Variants in LAMA3 observed in about 807,000 individuals in gnomAD.
LAMA3 encodes laminin subunit alpha 3, also known as laminin subunit alpha-3.
LAMA3 carries 281 observed loss-of-function variants against 402.0 expected under a neutral mutation model. The ratio of observed to expected loss-of-function variants is 0.70; its 90% CI spans 0.63 to 0.77. LAMA3 has a LOEUF of 0.77. Ranked by LOEUF, LAMA3 falls within the 30% of genes least tolerant of loss-of-function variation. LAMA3 has a pLI of 0.00. For synonymous variants in LAMA3, 1,431 were observed against 1,558.4 expected (o/e 0.92, Z 1.93); for missense variants, 3,840 against 4,215.5 (o/e 0.91, Z 2.47).
At chr18:23,945,672 A>C (rs1180216419) in intron 69 of LAMA3, among the ~76,000 whole-genome samples, 1 of 152,112 alleles carries the variant, frequency 6.6e-6, no homozygotes, top group Non-Finnish European at 1.5e-5. Flanking sequence ...AGGGATCAGA[A>C]ATTTTAGCAA....
At chr18:23,767,863 G>A (rs1296090614) in intron 8 of LAMA3, among the ~76,000 whole-genome samples, 8 of 151,960 alleles carry the variant, frequency 5.3e-5, no homozygotes, top group Admixed American at 2.6e-4. Flanking sequence ...GTCAGCCACC[G>A]TGCCTGGCAA....
chr18:23,864,319 T>G (rs1239454294), intron 35 of LAMA3, among the ~76,000 whole-genome samples: 1 of 151,900 alleles, frequency 6.6e-6, no homozygotes, highest in African/African-American at 2.4e-5. Context: ...CTCAAACTCC[T>G]GGGCTCAAGC....
intron 41 of LAMA3, among the ~76,000 whole-genome samples, chr18:23,888,912 A>G (rs1218503691): frequency 6.7e-6 from 1 of 149,862 alleles, no homozygotes; most frequent in African/African-American, 2.5e-5. Context: ...CAACTCCAGG[A>G]GCATGAATAT....
rs113771180 is a variant in LAMA3, at chr18:23,823,451, A to G, written c.2429-972A>G. ...TTGCTTCGTTTCCTTGTCCTCCGGG[A>G]CACCTTTCCCCTAAGTCTGAGTTGG... is the stretch of plus-strand genomic sequence containing the variant. On this transcript the variant is annotated intron_variant, in intron 20 of 74. Coordinates refer to ENST00000313654, the MANE Select transcript of LAMA3 (RefSeq NM_198129.4). Among the ~76,000 whole-genome samples the G allele has an allele frequency of 1.3e-3, 191 of 152,292 alleles. 1 individual carries two copies. The highest frequency in any genetic ancestry group is 4.2e-3 in the African/African-American group (174 of 41,562).
intron 44 of LAMA3, among the ~76,000 whole-genome samples, chr18:23,895,993 A>G (rs569360666): frequency 6.6e-6 from 1 of 152,252 alleles, no homozygotes; most frequent in East Asian, 1.9e-4. Flanking sequence ...ATTCAGTTCA[A>G]TGGATTTTCT....
chr18:23,743,585 G>A (rs542734003), intron 2 of LAMA3, among the ~76,000 whole-genome samples: 1 of 152,312 alleles, frequency 6.6e-6, no homozygotes, highest in African/African-American at 2.4e-5. Flanking sequence ...ACTGGGGTGA[G>A]AAACAAGGAT....
Position 23,752,900 on chromosome 18 carries a change from AGC to A in LAMA3, c.856-820_856-819del, listed in dbSNP as rs1443457949. ...GCTGACAGATATTCTTCTCACTGGC[AGC>A]ATGGCCTCAATGAGAAAGATTGTTC... is the stretch of plus-strand genomic sequence containing the variant. On this transcript the variant is annotated intron_variant, in intron 5 of 74. Transcript: ENST00000313654. 2.6e-5 allele frequency among the ~76,000 whole-genome samples: 4 copies of A among 152,262 alleles called. No individual in the cohort carries two copies. The South Asian group carries it at 8.3e-4, about 32-fold the overall frequency.
At chr18:23,885,345 C>T (rs2065039755) in intron 41 of LAMA3, among the ~76,000 whole-genome samples, 1 of 141,076 alleles carries the variant, frequency 7.1e-6, no homozygotes, top group South Asian at 2.5e-4. Context: ...CCCACCCCCA[C>T]CCCCACCCCA....
chr18:23,791,428 G>A (rs544751211), intron 12 of LAMA3, among the ~76,000 whole-genome samples: 28 of 152,112 alleles, frequency 1.8e-4, no homozygotes, highest in Non-Finnish European at 2.6e-4. Context: ...AGATAATTGG[G>A]ATTTCACAAA....
At chr18:23,843,016 A>G (rs2063739174) in intron 29 of LAMA3, among the ~76,000 whole-genome samples, 1 of 152,070 alleles carries the variant, frequency 6.6e-6, no homozygotes, top group Non-Finnish European at 1.5e-5. Context: ...CAGTCTCTGG[A>G]GCATTTTTCG....
chr18:23,846,558 T>G (rs754967284), intron 31 of LAMA3, 50 bp downstream of exon 31: 2 of 1,522,022 alleles, frequency 1.3e-6, no homozygotes, highest in South Asian at 1.2e-5. Flanking sequence ...CCCGTGTGGA[T>G]GATGCTTACC....
chr18:23,865,186 G>T (rs941393267), intron 36 of LAMA3, among the ~76,000 whole-genome samples: 2 of 152,164 alleles, frequency 1.3e-5, no homozygotes, highest in African/African-American at 2.4e-5. Context: ...TAGAGACAGG[G>T]TCTCACTGTG....
Position 23,846,789 on chromosome 18 carries a change from C to T in LAMA3, c.3931+281C>T, listed in dbSNP as rs141732847. Among the ~76,000 whole-genome samples the T allele has an allele frequency of 6.6e-3, 1,005 of 152,312 alleles. 10 individuals carry two copies. Among genetic ancestry groups the T allele is most frequent in the Non-Finnish European group, 7.7e-3 (523 of 68,036 alleles). ...CCTGCTGTGTGGCCTATGCACTTGG[C>T]AAAGCAGGTGAGTGTGACAAGTCTT... On this transcript the variant is annotated intron_variant, in intron 31 of 74. Coordinates refer to ENST00000313654, the MANE Select transcript of LAMA3 (RefSeq NM_198129.4).
chr18:23,923,546 A>G (rs2081914449), intron 62 of LAMA3, among the ~76,000 whole-genome samples: 1 of 152,222 alleles, frequency 6.6e-6, no homozygotes, highest in South Asian at 2.1e-4. Context: ...GAACACACCA[A>G]CGGAGGAGTG....
rs559874788 is a variant in LAMA3, at chr18:23,940,515, C to T, written c.9026+1129C>T. ...AAGCTGTCCCTCTATGCCTGTCTTGCGTGTTAGCAGATTGCTACCTCTCTC... is the reference window on the plus strand; with the variant it reads ...AAGCTGTCCCTCTATGCCTGTCTTGTGTGTTAGCAGATTGCTACCTCTCTC... On this transcript the variant is annotated intron_variant, in intron 68 of 74. Transcript: ENST00000313654. Among the ~76,000 whole-genome samples the T allele has an allele frequency of 2.6e-5, 4 of 152,260 alleles. No individual in the cohort carries two copies. In the South Asian group the frequency reaches 6.2e-4, roughly 24 times the overall value.
chr18:23,795,726 A>T (rs56132835), intron 12 of LAMA3, among the ~76,000 whole-genome samples: 120,276 of 151,440 alleles, frequency 0.79, 48,547 homozygotes, highest in African/African-American at 0.95. Context: ...AAATATATAT[A>T]TTTTTTTTAA....
intron 37 of LAMA3, among the ~76,000 whole-genome samples, chr18:23,870,812 A>G (rs1233341992): frequency 6.6e-6 from 1 of 152,218 alleles, no homozygotes; most frequent in Non-Finnish European, 1.5e-5. Context: ...AAATTAGAAT[A>G]GTGGTGCCAG....
rs753166836 is a variant in LAMA3 at position 23,907,594 on chromosome 18, G to GT, written c.6764dup (p.Thr2256AspfsTer25). The GT allele has an allele frequency of 6.2e-7, 1 of 1,614,094 alleles. No individual in the cohort carries two copies. The highest frequency in any genetic ancestry group is 1.1e-5 in the South Asian group (1 of 91,082). ...CAACCTACAGCAAACCCTGAATATT[G>GT]TGACAGTTCAGAAAGAAGTGATAGA... is the stretch of plus-strand genomic sequence containing the variant. On this transcript the variant is annotated frameshift_variant, in exon 53 of 75. Transcript: ENST00000313654. LOFTEE classifies it high-confidence loss of function.
intron 41 of LAMA3, among the ~76,000 whole-genome samples, chr18:23,886,373 A>C (rs1226689877): frequency 1.3e-5 from 2 of 152,218 alleles, no homozygotes; most frequent in African/African-American, 2.4e-5. Flanking sequence ...ATGGTGGCTC[A>C]AACTTGTAAT....
Sources: gnomAD v4.1 joint callset for allele counts (sites outside exome capture counted in the v4.1 genomes callset) on GRCh38, gnomAD v4.1.1 for gene constraint, MANE v1.5 for transcripts, NCBI Gene and HGNC (gene_info 2026-07-23, HGNC 2026-07-21) for gene names.